Variants in MAGI1 observed in about 807,000 individuals in gnomAD.
MAGI1 encodes the protein membrane-associated guanylate kinase, WW and PDZ domain-containing protein 1.
Under a neutral mutation model 139.9 loss-of-function variants are expected in MAGI1, and 58 were observed. The ratio of observed to expected loss-of-function variants is 0.41; its 90% CI spans 0.34 to 0.52. The LOEUF is 0.52. Ranked by LOEUF, MAGI1 falls within the 20% of genes least tolerant of loss-of-function variation. The pLI, the probability that MAGI1 is intolerant of heterozygous loss-of-function variation, is 0.12. For synonymous variants in MAGI1, 812 were observed against 737.9 expected (o/e 1.10, Z -1.63); for missense variants, 1,874 against 1,901.6 (o/e 0.99, Z 0.27).
At chr3:65,428,817 T>C (rs911483613) in intron 12 of MAGI1, among the ~76,000 whole-genome samples, 2 of 152,184 alleles carry the variant, frequency 1.3e-5, no homozygotes, top group African/African-American at 4.8e-5. Context: ...ATGGAAGTGT[T>C]GGGAGCTACT....
intron 1 of MAGI1, among the ~76,000 whole-genome samples, chr3:65,816,918 C>T (rs2041640359): frequency 1.3e-5 from 2 of 152,154 alleles, no homozygotes; most frequent in African/African-American, 4.8e-5. Context: ...TACTCCAGTA[C>T]TTCAAATATC....
chr3:65,411,773 C>T (rs1470905688), intron 12 of MAGI1, among the ~76,000 whole-genome samples: 1 of 151,998 alleles, frequency 6.6e-6, no homozygotes, highest in Non-Finnish European at 1.5e-5. Flanking sequence ...AAGATAGAAA[C>T]CCAGAATAAT....
chr3:65,663,810 G>A (rs1286997882), intron 1 of MAGI1, among the ~76,000 whole-genome samples: 7 of 152,108 alleles, frequency 4.6e-5, no homozygotes, highest in Admixed American at 2.0e-4. Flanking sequence ...TAGGTCAGTA[G>A]TCAGTAGTAG....
At chr3:65,493,460 C>T in intron 3 of MAGI1, 52 bp downstream of exon 3, 2 of 1,610,428 alleles carry the variant, frequency 1.2e-6, no homozygotes, top group Non-Finnish European at 1.7e-6. Context: ...GCTCTGGCTC[C>T]TCTCAAGTAC....
chr3:65,977,502 CAAGT>C (rs1018144816), intron 1 of MAGI1, among the ~76,000 whole-genome samples: 2 of 152,136 alleles, frequency 1.3e-5, no homozygotes, highest in Non-Finnish European at 2.9e-5. Context: ...CCTGAGGCCA[CAAGT>C]TCACCACCAA....
intron 1 of MAGI1, among the ~76,000 whole-genome samples, chr3:65,889,267 T>C (rs904629932): frequency 2.0e-5 from 3 of 152,170 alleles, no homozygotes; most frequent in South Asian, 4.1e-4. Context: ...ATCTGATATG[T>C]AGGAGAGAAT....
chr3:65,764,877 C>G (rs187611895), intron 1 of MAGI1, among the ~76,000 whole-genome samples: 1 of 152,142 alleles, frequency 6.6e-6, no homozygotes, highest in Non-Finnish European at 1.5e-5. Flanking sequence ...AAAACAGAAC[C>G]GCTTGTTTTG....
chr3:65,904,277 T>C (rs1186981936), intron 1 of MAGI1, among the ~76,000 whole-genome samples: 7 of 152,170 alleles, frequency 4.6e-5, no homozygotes, highest in African/African-American at 9.7e-5. Context: ...TCAGTTTCTG[T>C]TTTGCCTGCT....
intron 1 of MAGI1, among the ~76,000 whole-genome samples, chr3:65,791,330 C>T (rs1056076576): frequency 6.6e-6 from 1 of 152,166 alleles, no homozygotes; most frequent in Non-Finnish European, 1.5e-5. Context: ...GTCAGCCCTT[C>T]GTATCCATGA....
chr3:65,740,352 T>C (rs1214012005), intron 1 of MAGI1, among the ~76,000 whole-genome samples: 7 of 152,180 alleles, frequency 4.6e-5, no homozygotes, highest in African/African-American at 1.7e-4. Flanking sequence ...TTAGTATAAT[T>C]ACTATCCCCA....
At chr3:65,962,288 T>G (rs1057217494) in intron 1 of MAGI1, among the ~76,000 whole-genome samples, 2 of 150,556 alleles carry the variant, frequency 1.3e-5, no homozygotes, top group South Asian at 4.2e-4. Flanking sequence ...CCGGCTAATT[T>G]TTTTTTGTAT....
chr3:65,610,803 AG>A (rs1289276488), intron 2 of MAGI1, among the ~76,000 whole-genome samples: 4 of 125,072 alleles, frequency 3.2e-5, no homozygotes, highest in African/African-American at 5.7e-5. Flanking sequence ...TAGTATATAT[AG>A]GTATATATAG....
chr3:65,369,600 C>T (rs573797748), intron 18 of MAGI1, among the ~76,000 whole-genome samples: 3 of 151,986 alleles, frequency 2.0e-5, no homozygotes, highest in African/African-American at 7.2e-5. Context: ...CCTCCGCCTC[C>T]TGGTTTCAAG....
chr3:65,752,753 C>T (rs1356956892), intron 1 of MAGI1, among the ~76,000 whole-genome samples: 1 of 152,192 alleles, frequency 6.6e-6, no homozygotes, highest in Non-Finnish European at 1.5e-5. Context: ...CCAGTCTTAG[C>T]AAAGAATCCT....
intron 1 of MAGI1, among the ~76,000 whole-genome samples, chr3:65,976,581 A>T (rs760140569): frequency 1.3e-5 from 2 of 152,178 alleles, no homozygotes; most frequent in Non-Finnish European, 2.9e-5. Flanking sequence ...CAGTGAGCCA[A>T]GATGGCACCA....
rs903220787 is a variant in MAGI1 at position 65,401,633 on chromosome 3, C to G, written c.2168-163G>C. ...ATCGGAGTTACCAGGCTGTTCATAT[C>G]GAATCAAAGCAGAGGGAGGAGGAGA... is the stretch of plus-strand genomic sequence containing the variant. On this transcript the variant is annotated intron_variant, in intron 12 of 22. Transcript: ENST00000402939. 3.2e-6 allele frequency: 5 copies of G among 1,549,384 alleles called. No individual in the cohort carries two copies. In the Admixed American group the frequency reaches 5.9e-5, roughly 18 times the overall value.
At chr3:65,962,199 T>C (rs1460766188) in intron 1 of MAGI1, among the ~76,000 whole-genome samples, 1 of 150,602 alleles carries the variant, frequency 6.6e-6, no homozygotes, top group African/African-American at 2.4e-5. Flanking sequence ...CTCCGTTCAC[T>C]GCAAGCTCTG....
intron 1 of MAGI1, among the ~76,000 whole-genome samples, chr3:65,644,969 C>T (rs572813781): frequency 4.0e-5 from 6 of 150,590 alleles, no homozygotes; most frequent in Admixed American, 6.6e-5. Context: ...TACACTCCAG[C>T]CTGGGTGACA....
At chr3:65,952,501 T>C (rs2063912595) in intron 1 of MAGI1, among the ~76,000 whole-genome samples, 1 of 152,148 alleles carries the variant, frequency 6.6e-6, no homozygotes, top group African/African-American at 2.4e-5. Flanking sequence ...TTGTGTGTGT[T>C]AGAATATTTA....
Sources: allele counts gnomAD v4.1 joint callset (sites outside exome capture counted in the v4.1 genomes callset), GRCh38; gene constraint gnomAD v4.1.1; transcripts MANE v1.5; gene names NCBI Gene and HGNC (gene_info 2026-07-23, HGNC 2026-07-21).